LRRTM4: variants seen among roughly 807,000 people sequenced by gnomAD.
LRRTM4 encodes the protein leucine rich repeat transmembrane neuronal 4.
In LRRTM4, 25 loss-of-function variants were observed where a neutral mutation model predicts 47.6. The observed-to-expected ratio is 0.53, with a 90% confidence interval of 0.38 to 0.73. The LOEUF is 0.73. Among genes scored for constraint, LRRTM4 ranks in the 30% least tolerant of loss-of-function variants. LRRTM4 has a pLI of 0.00. For missense variants in LRRTM4, 638 were observed against 713.4 expected (o/e 0.89, Z 1.20); for synonymous variants, 311 against 269.5 (o/e 1.15, Z -1.51).
chr2:77,112,713 A>G (rs1671283023), intron 3 of LRRTM4, among the ~76,000 whole-genome samples: 1 of 151,960 alleles, frequency 6.6e-6, no homozygotes, highest in Non-Finnish European at 1.5e-5. Flanking sequence ...CAATCATCCT[A>G]CCAAAGTACC....
At chr2:77,087,489 G>A (rs1680756948) in intron 3 of LRRTM4, among the ~76,000 whole-genome samples, 1 of 152,148 alleles carries the variant, frequency 6.6e-6, no homozygotes, top group South Asian at 2.1e-4. Context: ...CAGAACACCT[G>A]GCTGAAAGCC....
intron 3 of LRRTM4, among the ~76,000 whole-genome samples, chr2:76,797,630 G>A (rs1050201918): frequency 8.5e-4 from 129 of 151,460 alleles, no homozygotes; most frequent in Non-Finnish European, 1.4e-3. Flanking sequence ...AACTTTAAAT[G>A]TAAATGGACT....
At chr2:77,114,701 T>C (rs1671340384) in intron 3 of LRRTM4, among the ~76,000 whole-genome samples, 1 of 152,096 alleles carries the variant, frequency 6.6e-6, no homozygotes, top group Non-Finnish European at 1.5e-5. Flanking sequence ...ATTTTACAGC[T>C]GGGCCTCCGG....
At chr2:76,873,794 T>C (rs776918405) in intron 3 of LRRTM4, among the ~76,000 whole-genome samples, 10 of 151,754 alleles carry the variant, frequency 6.6e-5, no homozygotes, top group Admixed American at 2.0e-4. Context: ...GGTTGATAGA[T>C]TGATATCTCA....
chr2:77,425,640 A>G (rs1675075164), intron 3 of LRRTM4, among the ~76,000 whole-genome samples: 1 of 151,894 alleles, frequency 6.6e-6, no homozygotes, highest in South Asian at 2.1e-4. Flanking sequence ...GTGGATAAAC[A>G]AGAAGTTTAT....
chr2:76,817,338 C>T (rs552458216), intron 3 of LRRTM4, among the ~76,000 whole-genome samples: 9 of 151,916 alleles, frequency 5.9e-5, no homozygotes, highest in Non-Finnish European at 1.3e-4. Flanking sequence ...TTGGAGGTTT[C>T]ACTGGTATAT....
intron 3 of LRRTM4, among the ~76,000 whole-genome samples, chr2:77,365,508 A>C (rs1429383191): frequency 6.6e-6 from 1 of 151,950 alleles, no homozygotes; most frequent in African/African-American, 2.4e-5. Flanking sequence ...ACATCTCTCT[A>C]AAATAATTTG....
At chr2:76,897,555 A>T (rs1444548472) in intron 3 of LRRTM4, among the ~76,000 whole-genome samples, 1 of 152,138 alleles carries the variant, frequency 6.6e-6, no homozygotes, top group Admixed American at 6.6e-5. Flanking sequence ...GTGATGAAGG[A>T]AAAGAGAAAA....
intron 3 of LRRTM4, among the ~76,000 whole-genome samples, chr2:77,154,370 C>T (rs1040675645): frequency 6.6e-6 from 1 of 152,050 alleles, no homozygotes; most frequent in Admixed American, 6.6e-5. Context: ...ACATGGTCCA[C>T]CTCACAAGGA....
intron 3 of LRRTM4, among the ~76,000 whole-genome samples, chr2:77,210,237 G>A (rs1049212045): frequency 6.6e-6 from 1 of 152,114 alleles, no homozygotes; most frequent in Non-Finnish European, 1.5e-5. Context: ...CATCCCATTG[G>A]AAATAACATT....
At chr2:76,766,888 G>A (rs936829023) in intron 3 of LRRTM4, among the ~76,000 whole-genome samples, 7 of 152,134 alleles carry the variant, frequency 4.6e-5, no homozygotes, top group Non-Finnish European at 7.4e-5. Flanking sequence ...AGAACTATCT[G>A]ATCTAAAATG....
At chr2:77,330,588 C>T (rs10189728) in intron 3 of LRRTM4, among the ~76,000 whole-genome samples, 3,070 of 151,908 alleles carry the variant, frequency 0.02, 111 homozygotes, top group African/African-American at 0.069. Context: ...GGAAATAAAA[C>T]GAAAAAATTG....
rs1222517611 is a variant in LRRTM4, at chr2:77,480,822, G to GTGTGGAGAGAGA, written c.1551+37495_1551+37496insTCTCTCTCCACA. ...TGTGTGTGTGTGTGTGTGTGTGTGT[G>GTGTGGAGAGAGA]GAGAGAGAGAGAGAGAGAGAGAGAG... is the stretch of plus-strand genomic sequence containing the variant. On this transcript the variant is annotated intron_variant, in intron 3 of 3. Transcript: ENST00000409884. Among the ~76,000 whole-genome samples, 298 of 74,494 alleles carry GTGTGGAGAGAGA rather than the reference G, an allele frequency of 4.0e-3. 2 individuals are homozygous for GTGTGGAGAGAGA. Among genetic ancestry groups the GTGTGGAGAGAGA allele is most frequent in the Non-Finnish European group, 6.3e-3 (263 of 41,488 alleles). 48.9% of individuals were successfully genotyped at this position (74,494 alleles called of 152,430 possible).
chr2:77,183,514 T>C (rs953056479), intron 3 of LRRTM4, among the ~76,000 whole-genome samples: 2 of 152,146 alleles, frequency 1.3e-5, no homozygotes, highest in South Asian at 4.1e-4. Context: ...ATTGTGGAAG[T>C]CAGTGTGGCA....
intron 3 of LRRTM4, among the ~76,000 whole-genome samples, chr2:76,938,190 G>A (rs1365480221): frequency 1.3e-5 from 2 of 151,818 alleles, no homozygotes; most frequent in Admixed American, 1.3e-4. Context: ...ACATTTATCT[G>A]TTCTCAATCC....
At chr2:77,265,656 T>C (rs1339202601) in intron 3 of LRRTM4, among the ~76,000 whole-genome samples, 1 of 152,100 alleles carries the variant, frequency 6.6e-6, no homozygotes, top group South Asian at 2.1e-4. Flanking sequence ...GTTGCATTAG[T>C]AATATGTACA....
chr2:77,078,937 G>T (rs1387980611), intron 3 of LRRTM4, among the ~76,000 whole-genome samples: 1 of 152,134 alleles, frequency 6.6e-6, no homozygotes, highest in South Asian at 2.1e-4. Context: ...CTGGCTCATG[G>T]GTGGCTGTCC....
intron 3 of LRRTM4, among the ~76,000 whole-genome samples, chr2:77,212,840 G>A (rs115716032): frequency 0.021 from 3,160 of 152,014 alleles, 115 homozygotes; most frequent in African/African-American, 0.073. Flanking sequence ...AAAAGATATC[G>A]TATTTATTTT....
chr2:77,003,011 G>C (rs902478944), intron 3 of LRRTM4, among the ~76,000 whole-genome samples: 2 of 151,932 alleles, frequency 1.3e-5, no homozygotes, highest in Admixed American at 1.3e-4. Context: ...GGTAACTTCA[G>C]TTATGTAGAA....
Sources: allele counts gnomAD v4.1 joint callset (sites outside exome capture counted in the v4.1 genomes callset), GRCh38; gene constraint gnomAD v4.1.1; transcripts MANE v1.5; gene names NCBI Gene and HGNC (gene_info 2026-07-23, HGNC 2026-07-21).